Variants in ADAM32 observed in about 807,000 individuals in gnomAD.
ADAM32 encodes the protein ADAM metallopeptidase domain 32, also known as disintegrin and metalloproteinase domain-containing protein 32.
A neutral mutation model predicts 114.9 loss-of-function variants in ADAM32; 89 were observed. The ratio of observed to expected loss-of-function variants is 0.77; its 90% confidence interval spans 0.65 to 0.92. The LOEUF (loss-of-function observed/expected upper bound fraction) is 0.92. ADAM32 is among the 40% of genes least tolerant of loss of function. The pLI is 0.00. For synonymous variants in ADAM32, 285 were observed against 307.5 expected (o/e 0.93, Z 0.77); for missense variants, 870 against 932.8 (o/e 0.93, Z 0.88).
chr8:39,126,847 A>G (rs1802147507), intron 2 of ADAM32, among the ~76,000 whole-genome samples: 2 of 152,170 alleles, frequency 1.3e-5, no homozygotes, highest in African/African-American at 4.8e-5. Context: ...TGTTCTTTCA[A>G]TACCTAGTTT....
rs1308776934 is a variant in ADAM32, at chr8:39,107,783, G to A, written c.8G>A (p.Arg3His). Residue 3 changes from arginine to histidine, a missense_variant, in exon 1 of 25, where the codon CGC (arginine) becomes CAC (histidine). Coordinates refer to ENST00000379907, the MANE Select transcript of ADAM32 (RefSeq NM_145004.7). ...CAGCCCCGAAGCCGCACCATGTTCCGCCTCTGGTTGCTGCTGGCCGGGCTC... is the reference window on the plus strand; with the variant it reads ...CAGCCCCGAAGCCGCACCATGTTCCACCTCTGGTTGCTGCTGGCCGGGCTC... MFRLWLLLAGLCG... is the reference protein window; with the variant it reads MFHLWLLLAGLCG... 3 of 1,550,426 alleles carry A rather than the reference G, an allele frequency of 1.9e-6. No homozygotes were observed. The highest frequency in any genetic ancestry group is 2.6e-6 in the Non-Finnish European group (3 of 1,146,660).
intron 14 of ADAM32, among the ~76,000 whole-genome samples, chr8:39,225,216 C>G (rs1450906809): frequency 1.3e-5 from 2 of 152,158 alleles, no homozygotes; most frequent in Admixed American, 6.5e-5. Flanking sequence ...TGCACTCATA[C>G]GTCAGTCTCA....
intron 24 of ADAM32, among the ~76,000 whole-genome samples, chr8:39,284,374 CACGT>C (rs1383526342): frequency 2.0e-5 from 3 of 146,970 alleles, no homozygotes; most frequent in African/African-American, 8.1e-5. Flanking sequence ...CACACACACA[CACGT>C]ACACACACAC....
rs531925121 is a variant in ADAM32 at position 39,124,820 on chromosome 8, A to G, written c.138+6655A>G. ...CTGCAATAAACATACATGTGTATGT[A>G]TCTTTACAATGGAATAGTTTATATT... On this transcript the variant is annotated intron_variant, in intron 2 of 24. Transcript: ENST00000379907. Among the ~76,000 whole-genome samples, 4 of 152,178 alleles carry G rather than the reference A, an allele frequency of 2.6e-5. No homozygotes were observed. The South Asian group carries it at 8.3e-4, about 31-fold the overall frequency.
chr8:39,115,315 C>T (rs1170409807), intron 1 of ADAM32, among the ~76,000 whole-genome samples: 1 of 152,050 alleles, frequency 6.6e-6, no homozygotes, highest in African/African-American at 2.4e-5. Flanking sequence ...TGGGAGTTCT[C>T]TTTTAGGTTC....
chr8:39,251,942 G>T (rs1420107383), intron 17 of ADAM32, among the ~76,000 whole-genome samples: 1 of 151,650 alleles, frequency 6.6e-6, no homozygotes, highest in South Asian at 2.1e-4. Flanking sequence ...TATGGTTATC[G>T]AATTTTTCCA....
At chr8:39,245,035 A>G (rs1810815040) in intron 16 of ADAM32, among the ~76,000 whole-genome samples, 1 of 152,220 alleles carries the variant, frequency 6.6e-6, no homozygotes, top group Non-Finnish European at 1.5e-5. Context: ...AAGCTTCTGC[A>G]TAGCAAAAAT....
rs1156619455 is a variant in ADAM32, at chr8:39,233,939, C to T, written c.1675C>T (p.Arg559Ter). ...AAGATTAGTTTGTACCTACCCTACT[C>T]GAAAGCCTTTCCATCAAGAAAATGG... ...CGRLVCTYPT[R>*]KPFHQENGDV... The change falls in exon 16 of 25, where the codon CGA becomes TGA. Residue 559 changes from arginine to a stop codon, truncating the protein, a stop_gained. Coordinates refer to ENST00000379907, the MANE Select transcript of ADAM32 (RefSeq NM_145004.7). LOFTEE classifies it high-confidence loss of function. 2.5e-6 allele frequency: 4 copies of T among 1,590,134 alleles called. No homozygotes were observed. Among genetic ancestry groups the T allele is most frequent in the South Asian group, 2.3e-5 (2 of 85,792 alleles).
chr8:39,228,397 A>G (rs1289999693), intron 14 of ADAM32, among the ~76,000 whole-genome samples: 1 of 152,258 alleles, frequency 6.6e-6, no homozygotes, highest in Non-Finnish European at 1.5e-5. Context: ...GGCAATGGAG[A>G]AAGGAGAAGC....
chr8:39,132,082 A>C lies in ADAM32; in HGVS notation c.139-4575A>C, dbSNP rs754570140. 74 of 214,750 alleles carry C rather than the reference A, an allele frequency of 3.4e-4. 1 individual carries two copies. The highest frequency in any genetic ancestry group is 2.7e-4 in the South Asian group (6 of 21,932). 13.3% of individuals were successfully genotyped at this position (214,750 alleles called of 1,614,324 possible). ...CTAATTTTGTATTTTTAGTAGAGAC[A>C]GGGTTTCTGCATGTTGGTCAGGCTG... On this transcript the variant is annotated intron_variant, in intron 2 of 24. Transcript: ENST00000379907.
intron 10 of ADAM32, among the ~76,000 whole-genome samples, chr8:39,185,050 G>A (rs1806131208): frequency 6.6e-6 from 1 of 151,930 alleles, no homozygotes; most frequent in Admixed American, 6.6e-5. Flanking sequence ...GATCACTTGA[G>A]GGTCAGGAGT....
chr8:39,167,897 G>A (rs1433156397), intron 9 of ADAM32: 1 of 152,044 alleles, frequency 6.6e-6, no homozygotes, highest in Non-Finnish European at 1.5e-5. Context: ...CTTGTATCCG[G>A]AAACTTTGCT....
intron 6 of ADAM32, among the ~76,000 whole-genome samples, chr8:39,155,841 A>T: frequency 6.6e-6 from 1 of 150,398 alleles, no homozygotes; most frequent in East Asian, 1.9e-4. Context: ...TCTTTATGTA[A>T]TTTTGATTAT....
At chr8:39,270,741 C>T in intron 19 of ADAM32, 135 bp from the exon 20 acceptor site, 1 of 723,404 alleles carries the variant, frequency 1.4e-6, no homozygotes, top group African/African-American at 1.8e-5. Flanking sequence ...GTTCATTGAC[C>T]TTTGGACAAT....
intron 22 of ADAM32, among the ~76,000 whole-genome samples, chr8:39,280,122 A>G (rs1813333807): frequency 6.6e-6 from 1 of 152,182 alleles, no homozygotes; most frequent in South Asian, 2.1e-4. Flanking sequence ...TATTTCCATT[A>G]AAGACTACCA....
In ADAM32 at chr8:39,167,786, A is replaced by T. The variant is rs1403128535; in HGVS notation, c.834-2130A>T. The T allele has an allele frequency of 3.3e-5, 5 of 151,886 alleles. No individual in the cohort carries two copies. The South Asian group carries it at 6.3e-4, about 19-fold the overall frequency. The allele number at this position is 151,886 out of a possible 1,614,324, so 9.4% of individuals were successfully genotyped here. On this transcript the variant is annotated intron_variant, in intron 9 of 24. Transcript: ENST00000379907. ...GGTTAAGTATATTCCTAAGTATTTT[A>T]TTTTTTTGCAGCTATTGTGAAAGGG...
chr8:39,280,094 A>G (rs891176283), intron 22 of ADAM32, among the ~76,000 whole-genome samples: 4 of 152,198 alleles, frequency 2.6e-5, no homozygotes, highest in African/African-American at 9.7e-5. Flanking sequence ...TCTGAAGTGC[A>G]GTGGTCATAG....
intron 2 of ADAM32, among the ~76,000 whole-genome samples, chr8:39,120,298 C>T (rs1564433511): frequency 6.6e-6 from 1 of 152,066 alleles, no homozygotes; most frequent in Non-Finnish European, 1.5e-5. Context: ...GAAGTACATG[C>T]TAAGAAGAAG....
chr8:39,241,460 A>G (rs11786406), intron 16 of ADAM32, among the ~76,000 whole-genome samples: 42,122 of 152,038 alleles, frequency 0.28, 6,148 homozygotes, highest in African/African-American at 0.35. Flanking sequence ...TGAGGGCTCC[A>G]CTCCTGCAGC....
Sources: gnomAD v4.1 joint callset for allele counts (sites outside exome capture counted in the v4.1 genomes callset) on GRCh38, gnomAD v4.1.1 for gene constraint, MANE v1.5 for transcripts, NCBI Gene and HGNC (gene_info 2026-07-23, HGNC 2026-07-21) for gene names.